The following ADARB2 variants were observed in gnomAD, a reference collection of about 807,000 sequenced individuals.
ADARB2 encodes the protein inactive double-stranded RNA-specific editase B2.
ADARB2 carries 25 observed loss-of-function variants against 62.2 expected under a neutral mutation model. That is an observed-to-expected ratio of 0.40 (90% confidence interval 0.29 to 0.56). The LOEUF (loss-of-function observed/expected upper bound fraction) is 0.56. Among genes scored for constraint, ADARB2 ranks in the 20% least tolerant of loss-of-function variants. The pLI, the probability that ADARB2 is intolerant of heterozygous loss-of-function variation, is 0.43. For synonymous variants in ADARB2, 572 were observed against 500.8 expected (o/e 1.14, Z -1.90); for missense variants, 1,071 against 1,077.4 (o/e 0.99, Z 0.08).
At chr10:1,187,907 C>A in intron 8 of ADARB2, 1 of 372,190 alleles carries the variant, frequency 2.7e-6, no homozygotes, top group Non-Finnish European at 5.8e-6. Flanking sequence ...CTGTAAATAA[C>A]ATCTCAGCTC....
chr10:1,326,815 TCCCCACGGCCCAGCGCCTCCCCACG>T lies in ADARB2; in HGVS notation c.1077+36188_1077+36212del, dbSNP rs1564257819. Among the ~76,000 whole-genome samples, 23 of 112,848 alleles carry T rather than the reference TCCCCACGGCCCAGCGCCTCCCCACG, an allele frequency of 2.0e-4. 1 individual carries two copies. The highest frequency in any genetic ancestry group is 7.5e-4 in the African/African-American group (22 of 29,446). The allele number at this position is 112,848 out of a possible 152,430, so 74.0% of individuals were successfully genotyped here. ...CAGCGCCTCCCCACGGCCCAGCGCC[TCCCCACGGCCCAGCGCCTCCCCACG>T]GCCCAGCGCCTCCCCACTGCCCAGC... On this transcript the variant is annotated intron_variant, in intron 3 of 9. Coordinates refer to ENST00000381312, the MANE Select transcript of ADARB2 (RefSeq NM_018702.4).
intron 1 of ADARB2, among the ~76,000 whole-genome samples, chr10:1,545,316 TTCTA>T (rs1832502664): frequency 6.6e-6 from 1 of 152,256 alleles, no homozygotes; most frequent in African/African-American, 2.4e-5. Context: ...TTCTTCCATT[TTCTA>T]TCTTTCTTAT....
At chr10:1,308,764 G>A (rs187141001) in intron 3 of ADARB2, among the ~76,000 whole-genome samples, 3 of 152,314 alleles carry the variant, frequency 2.0e-5, no homozygotes, top group East Asian at 3.9e-4. Flanking sequence ...TTTTGTGGGT[G>A]ATTAGCAGGT....
At chr10:1,370,596 T>C (rs1165946694) in intron 2 of ADARB2, among the ~76,000 whole-genome samples, 1 of 152,212 alleles carries the variant, frequency 6.6e-6, no homozygotes, top group African/African-American at 2.4e-5. Flanking sequence ...ATAAATGGCT[T>C]CAGTAAAGTT....
intron 1 of ADARB2, among the ~76,000 whole-genome samples, chr10:1,576,130 G>GGGTCACAGGAGGGGGGTCCAC (rs1564335618): frequency 2.1e-4 from 17 of 82,234 alleles, no homozygotes; most frequent in African/African-American, 4.5e-4. Flanking sequence ...AGGGGGCCCA[G>GGGTCACAGGAGGGGGGTCCAC]GGTCACAAGA....
intron 8 of ADARB2, among the ~76,000 whole-genome samples, chr10:1,195,389 G>GT (rs377144803): frequency 0.17 from 18,016 of 103,436 alleles, 2,112 homozygotes; most frequent in Non-Finnish European, 0.2. Context: ...GCTGTACACA[G>GT]TTTTTTTTTT....
chr10:1,192,812 G>A (rs538355716), intron 8 of ADARB2, among the ~76,000 whole-genome samples: 24 of 152,310 alleles, frequency 1.6e-4, no homozygotes, highest in Non-Finnish European at 2.1e-4. Context: ...GCCTGGTGGC[G>A]GGTGCCTGTA....
At chr10:1,622,663 A>C (rs1833717491) in intron 1 of ADARB2, among the ~76,000 whole-genome samples, 2 of 152,232 alleles carry the variant, frequency 1.3e-5, no homozygotes, top group South Asian at 4.1e-4. Context: ...CTAATTAAAA[A>C]GACAGAAAAT....
chr10:1,262,790 C>T (rs964487793), intron 4 of ADARB2, among the ~76,000 whole-genome samples: 1 of 152,046 alleles, frequency 6.6e-6, no homozygotes, highest in East Asian at 1.9e-4. Flanking sequence ...GGTATATACC[C>T]AAAGGATTAT....
intron 1 of ADARB2, among the ~76,000 whole-genome samples, chr10:1,617,186 T>A (rs868535051): frequency 1.1e-5 from 1 of 88,240 alleles, no homozygotes; most frequent in East Asian, 3.7e-4. Context: ...TGCATTCTGT[T>A]GCTAGATGTT....
At chr10:1,254,737 T>C (rs1252765694) in intron 4 of ADARB2, among the ~76,000 whole-genome samples, 2 of 152,248 alleles carry the variant, frequency 1.3e-5, no homozygotes, top group African/African-American at 4.8e-5. Context: ...GCAGATTCTT[T>C]GGTTTGGCAA....
At chr10:1,410,358 TG>T (rs1459793632) in intron 1 of ADARB2, among the ~76,000 whole-genome samples, 2 of 151,774 alleles carry the variant, frequency 1.3e-5, no homozygotes, top group Non-Finnish European at 2.9e-5. Flanking sequence ...GCTGTGGTCA[TG>T]GGGAAGGATT....
intron 1 of ADARB2, among the ~76,000 whole-genome samples, chr10:1,538,122 A>G (rs1172972293): frequency 2.6e-5 from 4 of 152,176 alleles, no homozygotes; most frequent in Non-Finnish European, 4.4e-5. Flanking sequence ...GATCTCCTTT[A>G]GAGGCTGGAT....
intron 1 of ADARB2, among the ~76,000 whole-genome samples, chr10:1,680,420 T>C (rs1398302927): frequency 6.6e-6 from 1 of 152,054 alleles, no homozygotes; most frequent in Non-Finnish European, 1.5e-5. Context: ...CAGGGGGCAG[T>C]ACAGTGTCCT....
At chr10:1,434,710 T>C (rs1014645622) in intron 1 of ADARB2, among the ~76,000 whole-genome samples, 1 of 152,192 alleles carries the variant, frequency 6.6e-6, no homozygotes, top group Admixed American at 6.5e-5. Flanking sequence ...TTAGATGACG[T>C]AAACTCACTG....
At chr10:1,615,420 G>A (rs11250667) in intron 1 of ADARB2, among the ~76,000 whole-genome samples, 51,322 of 152,156 alleles carry the variant, frequency 0.34, 9,136 homozygotes, top group East Asian at 0.57. Flanking sequence ...CACTGCCATC[G>A]CCAGTTACCC....
intron 1 of ADARB2, among the ~76,000 whole-genome samples, chr10:1,672,064 C>T (rs1011148040): frequency 3.3e-5 from 5 of 151,986 alleles, no homozygotes; most frequent in African/African-American, 1.2e-4. Context: ...AGAGCCCTAC[C>T]CCATCCCCGA....
intron 6 of ADARB2, among the ~76,000 whole-genome samples, chr10:1,226,199 C>T (rs1830743794): frequency 2.0e-5 from 3 of 152,234 alleles, no homozygotes; most frequent in African/African-American, 4.8e-5. Context: ...CAGTTGATCG[C>T]ATTGGCTACT....
chr10:1,346,838 T>C lies in ADARB2; in HGVS notation c.1077+16190A>G, dbSNP rs117867913. On this transcript the variant is annotated intron_variant, in intron 3 of 9. Coordinates refer to ENST00000381312, the MANE Select transcript of ADARB2 (RefSeq NM_018702.4). ...ATTGGTTTGGAAAGCTAGAATTTAA[T>C]GGAAAATACTACAGGAGTGAGAAAA... Among the ~76,000 whole-genome samples, 998 of 152,364 alleles carry C rather than the reference T, an allele frequency of 6.6e-3. 3 individuals are homozygous for C. The highest frequency in any genetic ancestry group is 0.014 in the Middle Eastern group (4 of 294).
Sources: gnomAD v4.1 joint callset for allele counts (sites outside exome capture counted in the v4.1 genomes callset) on GRCh38, gnomAD v4.1.1 for gene constraint, MANE v1.5 for transcripts, NCBI Gene and HGNC (gene_info 2026-07-23, HGNC 2026-07-21) for gene names.